DLGAP1: variants seen among roughly 807,000 people sequenced by gnomAD.
DLGAP1 encodes the protein DLG associated protein 1.
In DLGAP1, 11 loss-of-function variants were observed where a neutral mutation model predicts 90.8. The ratio of observed to expected loss-of-function variants is 0.12; its 90% CI spans 0.08 to 0.20. DLGAP1 has a LOEUF of 0.20. Among genes scored for constraint, DLGAP1 ranks in the 10% least tolerant of loss-of-function variants. The probability of loss-of-function intolerance (pLI) is 1.00; values close to 1 mark genes in which losing one functional copy is unlikely to be tolerated. For missense variants in DLGAP1, 1,050 were observed against 1,333.8 expected (o/e 0.79, Z 3.31); for synonymous variants, 558 against 540.7 (o/e 1.03, Z -0.44).
chr18:3,975,450 T>C (rs2073550419), intron 3 of DLGAP1, among the ~76,000 whole-genome samples: 1 of 152,246 alleles, frequency 6.6e-6, no homozygotes, highest in Admixed American at 6.5e-5. Context: ...AAACAGAAAG[T>C]GAGTGTTGGC....
chr18:3,885,686 C>T (rs777933324), intron 3 of DLGAP1, among the ~76,000 whole-genome samples: 3 of 152,182 alleles, frequency 2.0e-5, no homozygotes, highest in South Asian at 2.1e-4. Context: ...TCTTCTTGTT[C>T]GCTGTGACTT....
At chr18:4,196,096 T>C (rs2077492842) in intron 1 of DLGAP1, among the ~76,000 whole-genome samples, 2 of 152,164 alleles carry the variant, frequency 1.3e-5, no homozygotes, top group East Asian at 1.9e-4. Context: ...TCAATACTTA[T>C]CAATCATGCA....
intron 4 of DLGAP1, among the ~76,000 whole-genome samples, chr18:3,848,823 C>T (rs186945465): frequency 1.0e-3 from 155 of 152,254 alleles, no homozygotes; most frequent in Middle Eastern, 3.4e-3. Context: ...GTCTTCTAAC[C>T]GATTCTCCTC....
chr18:4,370,255 A>G (rs1322033526), intron 1 of DLGAP1, among the ~76,000 whole-genome samples: 1 of 152,196 alleles, frequency 6.6e-6, no homozygotes, highest in Admixed American at 6.5e-5. Flanking sequence ...AAACAGATCC[A>G]GATCAGGGCA....
At chr18:3,931,947 C>T (rs1487291634) in intron 3 of DLGAP1, among the ~76,000 whole-genome samples, 1 of 152,120 alleles carries the variant, frequency 6.6e-6, no homozygotes, top group Non-Finnish European at 1.5e-5. Flanking sequence ...CTACAGTGCT[C>T]CAGCTTTCAC....
At chr18:4,272,784 A>T (rs2145367291) in intron 1 of DLGAP1, among the ~76,000 whole-genome samples, 1 of 152,326 alleles carries the variant, frequency 6.6e-6, no homozygotes. Flanking sequence ...TGTGAATGTG[A>T]CCTTGTTTGG....
intron 1 of DLGAP1, among the ~76,000 whole-genome samples, chr18:4,343,338 A>G (rs1272129723): frequency 6.6e-6 from 1 of 151,658 alleles, no homozygotes; most frequent in Non-Finnish European, 1.5e-5. Context: ...AGATTATGGA[A>G]CTAGGTTCTA....
At chr18:4,305,897 G>C (rs1027261800) in intron 1 of DLGAP1, among the ~76,000 whole-genome samples, 1 of 55,314 alleles carries the variant, frequency 1.8e-5, no homozygotes, top group East Asian at 1.1e-3. Flanking sequence ...AACAAAATTT[G>C]GCATGATTAT....
chr18:3,498,964 G>A lies in DLGAP1; in HGVS notation c.*221C>T. ...CAGGGCGACGGCATCAGGACAGGGG[G>A]CGAAGCTCGGTGAAGAAGGAGATGG... is the stretch of plus-strand genomic sequence containing the variant. On this transcript the variant is annotated 3_prime_UTR_variant, in exon 13 of 13. Transcript: ENST00000315677. 3.6e-6 allele frequency: 2 copies of A among 559,196 alleles called. No individual in the cohort carries two copies. The highest frequency in any genetic ancestry group is 3.2e-5 in the East Asian group (1 of 31,624). 34.6% of individuals were successfully genotyped at this position (559,196 alleles called of 1,614,324 possible). A position where few individuals can be genotyped will look rare whatever the true frequency, so the allele number is the denominator to read the frequency against.
intron 7 of DLGAP1, among the ~76,000 whole-genome samples, chr18:3,622,980 T>A (rs2058152041): frequency 6.6e-6 from 1 of 152,034 alleles, no homozygotes; most frequent in Non-Finnish European, 1.5e-5. Flanking sequence ...AATTTTTGTA[T>A]TTTTAGTAGA....
chr18:3,868,856 G>A (rs953456243), intron 4 of DLGAP1, among the ~76,000 whole-genome samples: 1 of 152,176 alleles, frequency 6.6e-6, no homozygotes, highest in Non-Finnish European at 1.5e-5. Flanking sequence ...AACATTAGAA[G>A]AATGATATAC....
At chr18:4,147,396 T>C (rs1159539938) in intron 2 of DLGAP1, among the ~76,000 whole-genome samples, 1 of 152,202 alleles carries the variant, frequency 6.6e-6, no homozygotes, top group Non-Finnish European at 1.5e-5. Flanking sequence ...TTTAACTATG[T>C]AGTGTTATTT....
rs140096407 is a variant in DLGAP1 at position 3,813,612 on chromosome 18, A to C, written c.1172+447T>G. ...TTTTAAAGCACGGTCACACTCTATA[A>C]GCTTCTCTAAGACAATCTCTTCTAT... On this transcript the variant is annotated intron_variant, in intron 5 of 12. Coordinates refer to ENST00000315677, the MANE Select transcript of DLGAP1 (RefSeq NM_004746.4). Among the ~76,000 whole-genome samples the C allele has an allele frequency of 2.9e-3, 448 of 152,324 alleles. 3 individuals are homozygous for C. The highest frequency in any genetic ancestry group is 0.01 in the African/African-American group (429 of 41,582).
intron 1 of DLGAP1, among the ~76,000 whole-genome samples, chr18:4,189,877 T>C: frequency 6.6e-6 from 1 of 152,038 alleles, no homozygotes; most frequent in Non-Finnish European, 1.5e-5. Context: ...AGACTGGACC[T>C]CCACATGGAA....
chr18:3,728,047 G>A (rs1255725748), intron 7 of DLGAP1: 1 of 152,044 alleles, frequency 6.6e-6, no homozygotes, highest in African/African-American at 2.4e-5. Flanking sequence ...TTGGATTTGA[G>A]GACCTTTAAA....
intron 1 of DLGAP1, among the ~76,000 whole-genome samples, chr18:4,220,884 C>T (rs988005271): frequency 6.6e-6 from 1 of 152,106 alleles, no homozygotes; most frequent in Non-Finnish European, 1.5e-5. Flanking sequence ...ACATATGTGA[C>T]AGTGGTCTTA....
At chr18:4,113,789 A>G (rs1424593970) in intron 2 of DLGAP1, among the ~76,000 whole-genome samples, 2 of 152,170 alleles carry the variant, frequency 1.3e-5, no homozygotes, top group Non-Finnish European at 2.9e-5. Context: ...ATTTTCGTAT[A>G]TGGTGAAACA....
intron 1 of DLGAP1, among the ~76,000 whole-genome samples, chr18:4,358,197 A>T (rs1201896086): frequency 6.6e-6 from 1 of 152,230 alleles, no homozygotes; most frequent in Non-Finnish European, 1.5e-5. Context: ...AGCAAATAAT[A>T]TACATGCAAA....
intron 2 of DLGAP1, among the ~76,000 whole-genome samples, chr18:4,118,943 C>A (rs1267189930): frequency 6.6e-6 from 1 of 152,182 alleles, no homozygotes; most frequent in Non-Finnish European, 1.5e-5. Flanking sequence ...CTTCACTCTT[C>A]TCTGGAGTCA....
Sources: allele counts gnomAD v4.1 joint callset (sites outside exome capture counted in the v4.1 genomes callset), GRCh38; gene constraint gnomAD v4.1.1; transcripts MANE v1.5; gene names NCBI Gene and HGNC (gene_info 2026-07-23, HGNC 2026-07-21).